Variants in PTPRD observed in about 807,000 individuals in gnomAD.
PTPRD encodes protein tyrosine phosphatase receptor type D.
In PTPRD, 34 loss-of-function variants were observed where a neutral mutation model predicts 214.5. That is an observed-to-expected ratio of 0.16 (90% confidence interval 0.12 to 0.21). The LOEUF (loss-of-function observed/expected upper bound fraction) is 0.21, where lower values mean the gene tolerates loss of function less well. Among genes scored for constraint, PTPRD ranks in the 10% least tolerant of loss-of-function variants. The pLI, the probability that PTPRD is intolerant of heterozygous loss-of-function variation, is 1.00. For synonymous variants in PTPRD, 1,128 were observed against 845.7 expected (o/e 1.33, Z -5.79); for missense variants, 2,545 against 2,398.7 (o/e 1.06, Z -1.27).
At chr9:9,640,605 G>A (rs1170620668) in intron 7 of PTPRD, among the ~76,000 whole-genome samples, 3 of 152,188 alleles carry the variant, frequency 2.0e-5, no homozygotes, top group Admixed American at 6.5e-5. Context: ...AGGTAAGCCT[G>A]TAAGTATGAA....
At chr9:9,005,922 T>G (rs2099462298) in intron 11 of PTPRD, among the ~76,000 whole-genome samples, 1 of 152,046 alleles carries the variant, frequency 6.6e-6, no homozygotes, top group African/African-American at 2.4e-5. Context: ...GCCATATATG[T>G]GATGATTATT....
chr9:9,303,721 A>C (rs1226053946), intron 9 of PTPRD, among the ~76,000 whole-genome samples: 3 of 152,150 alleles, frequency 2.0e-5, no homozygotes, highest in Admixed American at 6.6e-5. Flanking sequence ...TCCTCAGCAC[A>C]TGGTACTTGA....
intron 7 of PTPRD, among the ~76,000 whole-genome samples, chr9:9,717,504 A>C (rs2097855746): frequency 6.6e-6 from 1 of 152,186 alleles, no homozygotes; most frequent in African/African-American, 2.4e-5. Flanking sequence ...TTTCAATGTA[A>C]GCATATATAA....
At chr9:8,581,913 C>CAAAAAAAAAAAAAAAAAAAAAA (rs36007156) in intron 14 of PTPRD, among the ~76,000 whole-genome samples, 1 of 34,964 alleles carries the variant, frequency 2.9e-5, no homozygotes, top group African/African-American at 8.2e-5. Context: ...ACTCAATCTC[C>CAAAAAAAAAAAAAAAAAAAAAA]AAAAAAAAAA....
chr9:10,425,635 A>G (rs2098606537), intron 2 of PTPRD, among the ~76,000 whole-genome samples: 1 of 152,002 alleles, frequency 6.6e-6, no homozygotes, highest in Admixed American at 6.6e-5. Context: ...TTCCACAAGT[A>G]AAAACTAAAA....
intron 8 of PTPRD, among the ~76,000 whole-genome samples, chr9:9,453,486 C>T (rs762660392): frequency 8.6e-5 from 13 of 151,422 alleles, no homozygotes; most frequent in Non-Finnish European, 1.3e-4. Context: ...CATAGAATAA[C>T]CATTCAAAGA....
chr9:9,519,513 T>C (rs571325011), intron 8 of PTPRD, among the ~76,000 whole-genome samples: 2 of 151,962 alleles, frequency 1.3e-5, no homozygotes, highest in South Asian at 2.1e-4. Flanking sequence ...AAGAAGAACA[T>C]AGCTTTTGAG....
chr9:10,355,522 A>C (rs962812429), intron 2 of PTPRD, among the ~76,000 whole-genome samples: 1 of 142,084 alleles, frequency 7.0e-6, no homozygotes. Context: ...CTTATTGCCT[A>C]GACTGGAGTG....
Position 8,492,884 on chromosome 9 carries a change from T to G in PTPRD, c.2445A>C (p.Lys815Asn), listed in dbSNP as rs752781036. 5 of 1,613,704 alleles carry G rather than the reference T, an allele frequency of 3.1e-6. No individual in the cohort carries two copies. The highest frequency in any genetic ancestry group is 3.4e-6 in the Non-Finnish European group (4 of 1,179,694). The change falls in exon 27 of 46, where the codon AAA becomes AAC. Residue 815 changes from lysine to asparagine, a missense_variant. Coordinates refer to ENST00000381196, the MANE Select transcript of PTPRD (RefSeq NM_002839.4). ...TKGDGARSKP[K>N]LVSTTGAVPG... ...TACCTGCCCCAGTGGTGGACACCAGTTTGGGCTTGCTGCGAGCACCATCTC... is the reference window on the plus strand; with the variant it reads ...TACCTGCCCCAGTGGTGGACACCAGGTTGGGCTTGCTGCGAGCACCATCTC...
intron 12 of PTPRD, among the ~76,000 whole-genome samples, chr9:8,645,593 A>T (rs2096669957): frequency 6.6e-6 from 1 of 152,090 alleles, no homozygotes; most frequent in Non-Finnish European, 1.5e-5. Flanking sequence ...GACTACCAAT[A>T]TCTAATTTTT....
At position 10,000,124 on chromosome 9, in the gene PTPRD, C is replaced by T. The variant is rs188667866; in HGVS notation, c.-472+33594G>A. Among the ~76,000 whole-genome samples the T allele has an allele frequency of 2.5e-3, 374 of 152,260 alleles. 2 individuals carry two copies. The highest frequency in any genetic ancestry group is 0.014 in the Middle Eastern group (4 of 294). The stretch of plus-strand genomic sequence containing the variant: ...AAAATTGCCTAAGCCTAAAGTTATT[C>T]TCCAATGGCAAGTCAAGGGGGAAAT... On this transcript the variant is annotated intron_variant, in intron 4 of 45. Transcript: ENST00000381196.
chr9:10,395,997 G>A lies in PTPRD; in HGVS notation c.-599-54980C>T, dbSNP rs753655656. 5.3e-5 allele frequency among the ~76,000 whole-genome samples: 8 copies of A among 151,768 alleles called. No individual in the cohort carries two copies. The South Asian group carries it at 1.5e-3, about 28-fold the overall frequency. On this transcript the variant is annotated intron_variant, in intron 2 of 45. Transcript: ENST00000381196. The stretch of plus-strand genomic sequence containing the variant: ...AGAGAGAGACAGCGAGAGACACAGC[G>A]AGAGACAGAAGGAGAAAGGGAGAGG...
chr9:9,629,603 C>T (rs1026517928), intron 7 of PTPRD, among the ~76,000 whole-genome samples: 4 of 152,152 alleles, frequency 2.6e-5, no homozygotes, highest in African/African-American at 4.8e-5. Context: ...GCCTATTCTG[C>T]ACCAGAATTA....
intron 8 of PTPRD, among the ~76,000 whole-genome samples, chr9:9,457,782 G>C (rs2093217028): frequency 6.6e-6 from 1 of 151,702 alleles, no homozygotes; most frequent in Non-Finnish European, 1.5e-5. Flanking sequence ...ACAGGGGGAA[G>C]ATAAGTTTTA....
At chr9:8,577,273 A>C (rs1366087032) in intron 14 of PTPRD, among the ~76,000 whole-genome samples, 1 of 151,822 alleles carries the variant, frequency 6.6e-6, no homozygotes, top group Non-Finnish European at 1.5e-5. Flanking sequence ...ATTTATTTTG[A>C]GATGGAGTTT....
chr9:9,463,159 G>C (rs950098295), intron 8 of PTPRD, among the ~76,000 whole-genome samples: 5 of 152,012 alleles, frequency 3.3e-5, no homozygotes, highest in Middle Eastern at 3.2e-3. Context: ...TTTCTACCTT[G>C]GCTCTCCCAG....
At chr9:10,313,397 T>TACACACAC (rs60788124) in intron 3 of PTPRD, among the ~76,000 whole-genome samples, 17 of 148,450 alleles carry the variant, frequency 1.1e-4, no homozygotes, top group South Asian at 4.3e-4. Flanking sequence ...AGGTACAGAT[T>TACACACAC]ACACACACAC....
At chr9:10,364,746 C>T (rs931045704) in intron 2 of PTPRD, among the ~76,000 whole-genome samples, 26 of 152,022 alleles carry the variant, frequency 1.7e-4, no homozygotes, top group African/African-American at 6.3e-4. Flanking sequence ...CATCATATCC[C>T]CTGGGTTCAC....
chr9:8,413,471 T>TAA (rs891103018), intron 35 of PTPRD, among the ~76,000 whole-genome samples: 1 of 152,098 alleles, frequency 6.6e-6, no homozygotes. Flanking sequence ...AATAATCACT[T>TAA]AAAAAACTCT....
Sources: gnomAD v4.1 joint callset for allele counts (sites outside exome capture counted in the v4.1 genomes callset) on GRCh38, gnomAD v4.1.1 for gene constraint, MANE v1.5 for transcripts, NCBI Gene and HGNC (gene_info 2026-07-23, HGNC 2026-07-21) for gene names.